The following SLC66A1 variants were observed in gnomAD, a reference collection of about 807,000 sequenced individuals.
SLC66A1 encodes solute carrier family 66 member 1.
In SLC66A1, 23 loss-of-function variants were observed where a neutral mutation model predicts 33.0. The ratio of observed to expected loss-of-function variants is 0.70; its 90% CI spans 0.50 to 0.99. SLC66A1 has a LOEUF of 0.99. Among genes scored for constraint, SLC66A1 ranks in the 50% least tolerant of loss-of-function variants. The pLI, the probability that SLC66A1 is intolerant of heterozygous loss-of-function variation, is 0.00. For synonymous variants in SLC66A1, 164 were observed against 175.5 expected (o/e 0.93, Z 0.52); for missense variants, 335 against 383.6 (o/e 0.87, Z 1.06).
chr1:19,333,525 C>T (rs552319229), downstream of SLC66A1, among the ~76,000 whole-genome samples: 2 of 152,164 alleles, frequency 1.3e-5, no homozygotes, highest in Non-Finnish European at 1.5e-5. This position sits in a 1 kb window ranked among gnomAD's most constrained non-coding sequence, Gnocchi z 4.2. Flanking sequence ...GGGGAGAAAG[C>T]CACAACCTTC....
At chr1:19,320,067 A>G (rs1023812527) in intron 2 of SLC66A1, among the ~76,000 whole-genome samples, 9 of 148,148 alleles carry the variant, frequency 6.1e-5, no homozygotes, top group South Asian at 2.2e-4. Flanking sequence ...TGGCTAATTT[A>G]TGTATATATT....
chr1:19,314,199 G>C (rs1160447255), intron 1 of SLC66A1, among the ~76,000 whole-genome samples: 1 of 152,200 alleles, frequency 6.6e-6, no homozygotes, highest in Non-Finnish European at 1.5e-5. Context: ...TCAGGGATCA[G>C]GTGTGTCTCA....
At chr1:19,319,638 C>A (rs2093824345) in intron 2 of SLC66A1, among the ~76,000 whole-genome samples, 1 of 115,382 alleles carries the variant, frequency 8.7e-6, no homozygotes, top group South Asian at 2.7e-4. Context: ...TGCAGTGGCT[C>A]ACACCTGTAA....
At chr1:19,333,011 C>T (rs1048536569), downstream of SLC66A1, among the ~76,000 whole-genome samples, 2 of 152,196 alleles carry the variant, frequency 1.3e-5, no homozygotes, top group Non-Finnish European at 2.9e-5. The surrounding 1 kb of genome is among the most constrained non-coding windows in gnomAD (Gnocchi z 4.2). Context: ...ATGCGCAGTG[C>T]CTGGCCCAGT....
In SLC66A1 at chr1:19,312,459, C is replaced by G. The variant is rs2093781854; in HGVS notation, c.-509C>G. The G allele has an allele frequency of 5.8e-6, 1 of 173,086 alleles. No homozygotes were observed. Among genetic ancestry groups the G allele is most frequent in the Non-Finnish European group, 1.2e-5 (1 of 81,882 alleles). The allele number at this position is 173,086 out of a possible 1,614,324, so 10.7% of individuals were successfully genotyped here. ...CCAGCCCTCTCCTCCGGCCGCTGGACTGTCCCGGCTCCTGCGCCCTCCTTG... is the reference window on the plus strand; with the variant it reads ...CCAGCCCTCTCCTCCGGCCGCTGGAGTGTCCCGGCTCCTGCGCCCTCCTTG... On this transcript the variant is annotated 5_prime_UTR_variant, in exon 1 of 8. Transcript: ENST00000375153.
At chr1:19,317,979 G>A in intron 2 of SLC66A1, 138 bp downstream of exon 2, 1 of 1,320,338 alleles carries the variant, frequency 7.6e-7, no homozygotes, top group South Asian at 1.4e-5. Context: ...CCCTCGACAG[G>A]GACCTGCACT....
At chr1:19,317,421 G>T (rs2093811800) in intron 1 of SLC66A1, among the ~76,000 whole-genome samples, 179 bp from the exon 2 acceptor site, 1 of 152,236 alleles carries the variant, frequency 6.6e-6, no homozygotes. Context: ...GCGTGTGTTT[G>T]CTGTGATCTG....
At chr1:19,314,976 C>T (rs1017692611) in intron 1 of SLC66A1, among the ~76,000 whole-genome samples, 20 of 152,078 alleles carry the variant, frequency 1.3e-4, no homozygotes, top group African/African-American at 4.3e-4. Context: ...GGCGCGATCT[C>T]AGCTCACTGC....
intron 1 of SLC66A1, chr1:19,313,138 A>T: frequency 3.2e-6 from 3 of 928,366 alleles, no homozygotes; most frequent in Non-Finnish European, 3.9e-6. Flanking sequence ...GGTGGTGGGT[A>T]TTGCATTATT....
chr1:19,325,126 C>G (rs919312015), intron 3 of SLC66A1, among the ~76,000 whole-genome samples: 1 of 152,216 alleles, frequency 6.6e-6, no homozygotes, highest in African/African-American at 2.4e-5. Flanking sequence ...GCAGGCAGAG[C>G]TGGGGCTCCC....
At chr1:19,319,167 A>G (rs1045319927) in intron 2 of SLC66A1, among the ~76,000 whole-genome samples, 6 of 152,254 alleles carry the variant, frequency 3.9e-5, no homozygotes, top group Non-Finnish European at 4.4e-5. Context: ...CAATTAACCC[A>G]TTCAGTGTAC....
chr1:19,331,010 G>T (rs2152020050), downstream of SLC66A1, among the ~76,000 whole-genome samples: 1 of 152,006 alleles, frequency 6.6e-6, no homozygotes, highest in South Asian at 2.1e-4. Context: ...TCTGAGATGG[G>T]GGAGTTTTTA....
At chr1:19,327,515 C>A in intron 7 of SLC66A1, 103 bp downstream of exon 7, 2 of 1,345,678 alleles carry the variant, frequency 1.5e-6, no homozygotes, top group Non-Finnish European at 2.1e-6. Context: ...CTTCATCCAT[C>A]CGTCCATCCA....
intron 3 of SLC66A1, 127 bp downstream of exon 3, chr1:19,324,889 T>C: frequency 1.5e-6 from 2 of 1,324,518 alleles, no homozygotes; most frequent in Non-Finnish European, 2.0e-6. Context: ...TTCCATCTTG[T>C]GGGAGGGCCC....
intron 2 of SLC66A1, among the ~76,000 whole-genome samples, chr1:19,323,932 C>T (rs1260284312): frequency 6.6e-6 from 1 of 152,216 alleles, no homozygotes; most frequent in Non-Finnish European, 1.5e-5. Flanking sequence ...TGAGTCAACA[C>T]ACATGCAGAG....
chr1:19,315,463 C>T lies in SLC66A1; in HGVS notation c.-78-2137C>T, dbSNP rs140833508. ...AGCGAGTCACATTAGGGCTGAGGGT[C>T]TACGGCTTCCTGAGAGGAGGTGCTG... On this transcript the variant is annotated intron_variant, in intron 1 of 7. Coordinates refer to ENST00000375153, the MANE Select transcript of SLC66A1 (RefSeq NM_001040125.2). 1.2e-4 allele frequency among the ~76,000 whole-genome samples: 19 copies of T among 152,338 alleles called. No homozygotes were observed. The East Asian group carries it at 3.5e-3, about 28-fold the overall frequency.
At chr1:19,327,659 AG>A (rs1402502328) in intron 7 of SLC66A1, 1 of 694,190 alleles carries the variant, frequency 1.4e-6, no homozygotes, top group African/African-American at 1.8e-5. Flanking sequence ...AGAAGCTTAC[AG>A]CCCAGCGGGG....
intron 2 of SLC66A1, 83 bp from the exon 3 acceptor site, chr1:19,324,550 C>G (rs1374021261): frequency 7.8e-6 from 12 of 1,530,616 alleles, no homozygotes; most frequent in Non-Finnish European, 1.1e-5. Context: ...CCATGGTCGT[C>G]TCCTCTGGGC....
intron 2 of SLC66A1, among the ~76,000 whole-genome samples, chr1:19,320,450 G>A (rs2093828963): frequency 8.2e-6 from 1 of 121,692 alleles, no homozygotes; most frequent in Non-Finnish European, 1.6e-5. Flanking sequence ...GTCTCGCTCT[G>A]TCGCCCAGGC....
Sources: gnomAD v4.1 joint callset for allele counts (sites outside exome capture counted in the v4.1 genomes callset) on GRCh38, gnomAD v4.1.1 for gene constraint, Gnocchi (gnomAD v3.1) non-coding constraint, MANE v1.5 for transcripts, NCBI Gene and HGNC (gene_info 2026-07-23, HGNC 2026-07-21) for gene names.